Variants in HAPLN1 observed in about 807,000 individuals in gnomAD.
HAPLN1 encodes the protein hyaluronan and proteoglycan link protein 1, also known as Cartilage link protein.
A neutral mutation model predicts 36.5 loss-of-function variants in HAPLN1; 13 were observed. The ratio of observed to expected loss-of-function variants is 0.36; its 90% confidence interval spans 0.23 to 0.57. The LOEUF (loss-of-function observed/expected upper bound fraction) is 0.57. HAPLN1 is among the 20% of genes least tolerant of loss of function. The probability of loss-of-function intolerance (pLI) is 0.83; values close to 1 mark genes in which losing one functional copy is unlikely to be tolerated. For missense variants in HAPLN1, 407 were observed against 439.7 expected (o/e 0.93, Z 0.66); for synonymous variants, 202 against 169.8 (o/e 1.19, Z -1.48).
intron 2 of HAPLN1, among the ~76,000 whole-genome samples, chr5:83,660,067 T>C (rs1318991650): frequency 6.6e-6 from 1 of 152,118 alleles, no homozygotes; most frequent in Non-Finnish European, 1.5e-5. Flanking sequence ...TTGCTATCAA[T>C]CTACAGCTAA....
chr5:83,653,477 G>A (rs1236945120), intron 2 of HAPLN1, among the ~76,000 whole-genome samples: 1 of 152,126 alleles, frequency 6.6e-6, no homozygotes, highest in Admixed American at 6.5e-5. Flanking sequence ...AAATGCTTTC[G>A]ACAAATTCCA....
chr5:83,681,015 G>A (rs1041223978), intron 1 of HAPLN1, among the ~76,000 whole-genome samples: 2 of 152,138 alleles, frequency 1.3e-5, no homozygotes, highest in African/African-American at 4.8e-5. Context: ...GGGTATGCTT[G>A]TTAGACATAC....
At chr5:83,676,083 G>T (rs1279283005) in intron 1 of HAPLN1, among the ~76,000 whole-genome samples, 4 of 151,770 alleles carry the variant, frequency 2.6e-5, no homozygotes, top group African/African-American at 9.7e-5. Context: ...AACATGATTT[G>T]CCCTGCCTCA....
intron 1 of HAPLN1, among the ~76,000 whole-genome samples, chr5:83,688,100 T>C (rs1418559732): frequency 1.3e-5 from 2 of 152,188 alleles, no homozygotes; most frequent in Non-Finnish European, 2.9e-5. Context: ...ATCTACACTT[T>C]CAGGATTTCT....
Position 83,662,603 on chromosome 5 carries a change from A to G in HAPLN1, c.101-9779T>C, listed in dbSNP as rs556613511. On this transcript the variant is annotated intron_variant, in intron 2 of 4. Transcript: ENST00000274341. Reference sequence around the variant, plus strand: ...ATGTTGAGTGACATTCTTAATATAAACATACTCTCTAGGAGTTTAACTATA... The same window carrying G: ...ATGTTGAGTGACATTCTTAATATAAGCATACTCTCTAGGAGTTTAACTATA... Among the ~76,000 whole-genome samples the G allele has an allele frequency of 5.9e-5, 9 of 152,350 alleles. 1 individual carries two copies. The South Asian group carries it at 1.9e-3, about 32-fold the overall frequency.
chr5:83,645,361 T>G (rs1488705852), intron 3 of HAPLN1, among the ~76,000 whole-genome samples: 1 of 151,964 alleles, frequency 6.6e-6, no homozygotes, highest in African/African-American at 2.4e-5. Flanking sequence ...GTCCAACCCA[T>G]GGCCCATGAG....
At chr5:83,701,925 AAAACACACACACACAC>A (rs1751516614) in intron 1 of HAPLN1, among the ~76,000 whole-genome samples, 1 of 100,446 alleles carries the variant, frequency 1.0e-5, no homozygotes, top group Non-Finnish European at 2.3e-5. Flanking sequence ...GACTTCGACA[AAAACACACACACACAC>A]ACACACACAC....
intron 1 of HAPLN1, among the ~76,000 whole-genome samples, chr5:83,698,448 T>TA (rs1751440774): frequency 6.6e-6 from 1 of 152,208 alleles, no homozygotes; most frequent in Admixed American, 6.5e-5. Context: ...TGACATATGT[T>TA]AAAAAATTTC....
intron 3 of HAPLN1, among the ~76,000 whole-genome samples, chr5:83,648,729 G>A (rs1749959594): frequency 6.6e-6 from 1 of 151,992 alleles, no homozygotes; most frequent in Non-Finnish European, 1.5e-5. Context: ...GACTGACAGG[G>A]AGTTTGAGTA....
intron 2 of HAPLN1, among the ~76,000 whole-genome samples, chr5:83,655,301 T>G (rs1184970586): frequency 6.6e-6 from 1 of 152,204 alleles, no homozygotes; most frequent in Non-Finnish European, 1.5e-5. Flanking sequence ...TTTTTTTCTG[T>G]GGTTAACTGT....
intron 1 of HAPLN1, among the ~76,000 whole-genome samples, chr5:83,708,708 A>G (rs894784700): frequency 6.6e-6 from 1 of 152,200 alleles, no homozygotes; most frequent in Non-Finnish European, 1.5e-5. Flanking sequence ...CACTAAACTA[A>G]AAGTTAAAAA....
chr5:83,689,893 C>T (rs369861035), intron 1 of HAPLN1, among the ~76,000 whole-genome samples: 6 of 152,108 alleles, frequency 3.9e-5, no homozygotes, highest in African/African-American at 1.4e-4. Flanking sequence ...AGAATTTTTC[C>T]TTCTGAAGGG....
At chr5:83,650,639 T>C (rs867705715) in intron 3 of HAPLN1, among the ~76,000 whole-genome samples, 2 of 147,938 alleles carry the variant, frequency 1.4e-5, no homozygotes, top group African/African-American at 2.5e-5. Context: ...TTTCTTTTTT[T>C]TTTTTTTTTT....
intron 1 of HAPLN1, among the ~76,000 whole-genome samples, chr5:83,715,959 A>T (rs964214519): frequency 6.6e-6 from 1 of 152,200 alleles, no homozygotes; most frequent in African/African-American, 2.4e-5. Context: ...TTTAGAATGG[A>T]TTTTCATAGT....
At chr5:83,645,475 CTTTTTTT>C in intron 3 of HAPLN1, among the ~76,000 whole-genome samples, 1 of 74,370 alleles carries the variant, frequency 1.3e-5, no homozygotes, top group South Asian at 5.2e-4. Context: ...CTTTTTCTTT[CTTTTTTT>C]TTTTTTTTTA....
intron 1 of HAPLN1, among the ~76,000 whole-genome samples, chr5:83,681,426 C>G (rs1351823899): frequency 3.3e-5 from 5 of 152,112 alleles, no homozygotes; most frequent in African/African-American, 1.2e-4. Flanking sequence ...TGTTTCTTAT[C>G]AAGCACAAAT....
intron 1 of HAPLN1, among the ~76,000 whole-genome samples, chr5:83,713,948 T>C (rs983910345): frequency 1.3e-5 from 2 of 152,198 alleles, no homozygotes; most frequent in Admixed American, 1.3e-4. Context: ...GTGATTATCA[T>C]TTACATCTTA....
chr5:83,698,531 C>T (rs1751442096), intron 1 of HAPLN1, among the ~76,000 whole-genome samples: 1 of 152,062 alleles, frequency 6.6e-6, no homozygotes, highest in South Asian at 2.1e-4. Context: ...TCAGTGTTTT[C>T]TTTAATGAAT....
intron 1 of HAPLN1, among the ~76,000 whole-genome samples, chr5:83,680,465 TG>T (rs1272637861): frequency 6.6e-6 from 1 of 152,294 alleles, no homozygotes; most frequent in South Asian, 2.1e-4. Flanking sequence ...GTATTTAGCA[TG>T]TTTCTGTAGG....
Sources: allele counts gnomAD v4.1 joint callset (sites outside exome capture counted in the v4.1 genomes callset), GRCh38; gene constraint gnomAD v4.1.1; transcripts MANE v1.5; gene names NCBI Gene and HGNC (gene_info 2026-07-23, HGNC 2026-07-21).